Variants in WWOX observed in about 807,000 individuals in gnomAD.
WWOX encodes the protein WW domain containing oxidoreductase, also known as WW domain-containing oxidoreductase.
Under a neutral mutation model 46.2 loss-of-function variants are expected in WWOX, and 69 were observed. The ratio of observed to expected loss-of-function variants is 1.49; its 90% CI spans 1.23 to 1.82. The LOEUF (loss-of-function observed/expected upper bound fraction) is 1.82, where lower values mean the gene tolerates loss of function less well. WWOX is among the 40% of genes most tolerant of loss of function. The probability of loss-of-function intolerance (pLI) is 0.00; values close to 1 mark genes in which losing one functional copy is unlikely to be tolerated. For synonymous variants in WWOX, 359 were observed against 202.6 expected (o/e 1.77, Z -6.56); for missense variants, 919 against 542.6 (o/e 1.69, Z -6.89).
chr16:78,375,142 TGAAA>T (rs2081789339), intron 5 of WWOX, among the ~76,000 whole-genome samples: 1 of 152,248 alleles, frequency 6.6e-6, no homozygotes, highest in South Asian at 2.1e-4. Context: ...GGAGATCCTC[TGAAA>T]GATTTATCTC....
intron 8 of WWOX, among the ~76,000 whole-genome samples, chr16:78,571,606 C>T (rs1430753678): frequency 1.3e-5 from 2 of 152,174 alleles, no homozygotes; most frequent in Admixed American, 6.5e-5. Context: ...CAGTGGCTCA[C>T]ACCTGTTATC....
At chr16:78,691,204 T>C (rs1304154021) in intron 8 of WWOX, 2 of 701,964 alleles carry the variant, frequency 2.8e-6, no homozygotes, top group East Asian at 2.7e-5. Context: ...GTCCAGCGCC[T>C]AGAATTTTAG....
intron 5 of WWOX, among the ~76,000 whole-genome samples, chr16:78,239,064 C>T (rs564115533): frequency 3.9e-5 from 6 of 152,160 alleles, no homozygotes; most frequent in Non-Finnish European, 7.3e-5. Context: ...AACCTGGCCA[C>T]GCATCCCCCG....
chr16:78,441,941 A>T (rs1418124750), intron 8 of WWOX, among the ~76,000 whole-genome samples: 1 of 147,874 alleles, frequency 6.8e-6, no homozygotes, highest in Non-Finnish European at 1.5e-5. Context: ...AGTGACAAAA[A>T]TTTCATATAT....
chr16:78,917,870 G>A (rs529830523), intron 8 of WWOX, among the ~76,000 whole-genome samples: 42 of 152,266 alleles, frequency 2.8e-4, no homozygotes, highest in African/African-American at 9.4e-4. Flanking sequence ...GATATCCTAA[G>A]TGAGATCTTG....
At position 79,178,456 on chromosome 16, in the gene WWOX, C is replaced by T. The variant is rs76012940; in HGVS notation, c.1057-33152C>T. 6.6e-3 allele frequency among the ~76,000 whole-genome samples: 1,006 copies of T among 152,206 alleles called. 4 individuals are homozygous for T. Among genetic ancestry groups the T allele is most frequent in the Non-Finnish European group, 0.01 (683 of 67,996 alleles). On this transcript the variant is annotated intron_variant, in intron 8 of 8. Transcript: ENST00000566780. Reference sequence around the variant, plus strand: ...CTTAGCCACCCGAGTAGCTGGATGACAGGTGAGCACCACCATGCCTGGCTA... The same window carrying T: ...CTTAGCCACCCGAGTAGCTGGATGATAGGTGAGCACCACCATGCCTGGCTA...
chr16:78,626,266 G>T (rs2046309348), intron 8 of WWOX, among the ~76,000 whole-genome samples: 1 of 152,096 alleles, frequency 6.6e-6, no homozygotes, highest in South Asian at 2.1e-4. Flanking sequence ...GAGCAGGTGG[G>T]ACCACAGGCA....
intron 8 of WWOX, among the ~76,000 whole-genome samples, chr16:79,139,614 TC>T (rs200083884): frequency 3.9e-5 from 6 of 152,118 alleles, no homozygotes; most frequent in African/African-American, 1.4e-4. Flanking sequence ...TTCTTTCTTT[TC>T]TTTTTTTAAG....
At chr16:78,824,255 C>A (rs1418661324) in intron 8 of WWOX, among the ~76,000 whole-genome samples, 1 of 152,054 alleles carries the variant, frequency 6.6e-6, no homozygotes, top group African/African-American at 2.4e-5. Context: ...TTCATTTTGC[C>A]TGTAGAAAGT....
At chr16:78,604,708 C>G (rs1418070071) in intron 8 of WWOX, among the ~76,000 whole-genome samples, 2 of 11,268 alleles carry the variant, frequency 1.8e-4, no homozygotes, top group Admixed American at 1.2e-3. Context: ...TCCCCCCTCC[C>G]TCCTTCCCCC....
At chr16:78,267,067 CCAG>C (rs2079381865) in intron 5 of WWOX, 1 of 162,830 alleles carries the variant, frequency 6.1e-6, no homozygotes, top group Non-Finnish European at 1.3e-5. Flanking sequence ...TCTCTTGCCA[CCAG>C]CATGTAAGAA....
At chr16:78,955,969 GA>G (rs2046157666) in intron 8 of WWOX, among the ~76,000 whole-genome samples, 1 of 144,368 alleles carries the variant, frequency 6.9e-6, no homozygotes. Flanking sequence ...TTTCACTTTA[GA>G]AAAAAACAAA....
chr16:78,201,059 C>G (rs1233473634), intron 5 of WWOX, among the ~76,000 whole-genome samples: 1 of 152,166 alleles, frequency 6.6e-6, no homozygotes, highest in Non-Finnish European at 1.5e-5. Context: ...CATTTCTGGT[C>G]TTTTACTATG....
At chr16:78,566,597 C>G (rs551674357) in intron 8 of WWOX, among the ~76,000 whole-genome samples, 1 of 152,082 alleles carries the variant, frequency 6.6e-6, no homozygotes, top group Non-Finnish European at 1.5e-5. Flanking sequence ...CAGAGGCAGC[C>G]GGAAGCTGTG....
chr16:79,165,049 G>A (rs60478157), intron 8 of WWOX, among the ~76,000 whole-genome samples: 376 of 151,962 alleles, frequency 2.5e-3, no homozygotes, highest in African/African-American at 8.8e-3. Flanking sequence ...TCTCTGGGAG[G>A]ACCATAGTTG....
chr16:78,253,077 TC>T (rs2038029067), intron 5 of WWOX, among the ~76,000 whole-genome samples: 1 of 152,198 alleles, frequency 6.6e-6, no homozygotes, highest in Admixed American at 6.5e-5. Flanking sequence ...ATTTTCCAGC[TC>T]TGTTTTGCAA....
At chr16:78,520,987 G>C (rs2043337300) in intron 8 of WWOX, among the ~76,000 whole-genome samples, 1 of 152,170 alleles carries the variant, frequency 6.6e-6, no homozygotes, top group African/African-American at 2.4e-5. Context: ...GCAGTTATGG[G>C]TGAAGGGCTG....
intron 8 of WWOX, among the ~76,000 whole-genome samples, chr16:78,712,492 C>G (rs867878479): frequency 1.3e-5 from 2 of 149,450 alleles, no homozygotes; most frequent in Non-Finnish European, 3.0e-5. Context: ...CAGAGTGAGA[C>G]TCCATCTTAA....
intron 8 of WWOX, among the ~76,000 whole-genome samples, chr16:78,776,555 A>G (rs1209182905): frequency 2.0e-5 from 3 of 152,228 alleles, no homozygotes; most frequent in East Asian, 1.9e-4. Flanking sequence ...AGTGTGTGCC[A>G]TACTTACCTT....
Sources: gnomAD v4.1 joint callset for allele counts (sites outside exome capture counted in the v4.1 genomes callset) on GRCh38, gnomAD v4.1.1 for gene constraint, MANE v1.5 for transcripts, NCBI Gene and HGNC (gene_info 2026-07-23, HGNC 2026-07-21) for gene names.